The following DGLUCY variants were observed in gnomAD, a reference collection of about 807,000 sequenced individuals.
DGLUCY encodes D-glutamate cyclase, mitochondrial.
A neutral mutation model predicts 58.5 loss-of-function variants in DGLUCY; 58 were observed. The observed-to-expected ratio is 0.99, with a 90% CI of 0.80 to 1.23. The LOEUF (loss-of-function observed/expected upper bound fraction) is 1.23, where lower values mean the gene tolerates loss of function less well. Among genes scored for constraint, DGLUCY ranks in the 50% most tolerant of loss-of-function variants. DGLUCY has a pLI of 0.00. For synonymous variants in DGLUCY, 325 were observed against 314.1 expected (o/e 1.03, Z -0.37); for missense variants, 779 against 784.7 (o/e 0.99, Z 0.09).
rs1297499492 is a variant in DGLUCY at position 91,215,557 on chromosome 14, G to A, written c.1716+1G>A. The stretch of plus-strand genomic sequence containing the variant: ...TCAGGCCCTCCCGTCGGTCATTAAG[G>A]TAACAAACCCCAGCCAGCCGCTCGC... On this transcript the variant is annotated splice_donor_variant, in intron 13 of 13. Coordinates refer to ENST00000256324, the MANE Select transcript of DGLUCY (RefSeq NM_001102368.3). LOFTEE classifies it high-confidence loss of function. 1 of 1,613,764 alleles carries A rather than the reference G, an allele frequency of 6.2e-7. No individual in the cohort carries two copies. Among genetic ancestry groups the A allele is most frequent in the Non-Finnish European group, 8.5e-7 (1 of 1,179,682 alleles).
intron 10 of DGLUCY, 44 bp downstream of exon 10, chr14:91,196,518 G>C: frequency 6.7e-7 from 1 of 1,499,562 alleles, no homozygotes; most frequent in Admixed American, 1.7e-5. Context: ...TGGTGGAAAC[G>C]CCCATATGCT....
rs936937265 is a variant in DGLUCY at position 91,137,124 on chromosome 14, T to TG, written c.-81-20514dup. ...TGGGAGGCAAAGGCCCAGCAGAACG[T>TG]GTCTGTTCAGGTTTTTTTTTTTTTT... On this transcript the variant is annotated intron_variant, in intron 1 of 13. Transcript: ENST00000256324. 4.0e-4 allele frequency among the ~76,000 whole-genome samples: 60 copies of TG among 151,428 alleles called. 1 individual carries two copies. Among genetic ancestry groups the TG allele is most frequent in the African/African-American group, 1.3e-3 (54 of 41,212 alleles).
chr14:91,159,792 T>A (rs1459007151), intron 2 of DGLUCY, among the ~76,000 whole-genome samples: 1 of 152,208 alleles, frequency 6.6e-6, no homozygotes, highest in Non-Finnish European at 1.5e-5. Context: ...ATTCGTCTGT[T>A]CATTCAACTG....
chr14:91,073,587 G>A (rs763172970), intron 1 of DGLUCY, among the ~76,000 whole-genome samples: 58 of 152,090 alleles, frequency 3.8e-4, no homozygotes, highest in Admixed American at 2.0e-4. Context: ...CATCCCCGTC[G>A]GGATTACAGG....
intron 1 of DGLUCY, among the ~76,000 whole-genome samples, chr14:91,156,904 G>C (rs908410916): frequency 6.6e-6 from 1 of 152,236 alleles, no homozygotes; most frequent in Non-Finnish European, 1.5e-5. Flanking sequence ...GGCTGAAGAG[G>C]CTCTGGCCCT....
At chr14:91,103,069 C>T (rs1449459438), upstream of DGLUCY, among the ~76,000 whole-genome samples, 6 of 151,928 alleles carry the variant, frequency 3.9e-5, no homozygotes, top group African/African-American at 7.3e-5. Flanking sequence ...GCACCCCCTC[C>T]GTTCTTGATC....
At chr14:91,167,166 G>T in intron 3 of DGLUCY, 59 bp from the exon 4 acceptor site, 1 of 1,494,912 alleles carries the variant, frequency 6.7e-7, no homozygotes. Context: ...AAGAAAATCA[G>T]TAAGTGTCTG....
intron 1 of DGLUCY, among the ~76,000 whole-genome samples, chr14:91,139,346 G>C (rs2046521217): frequency 6.6e-6 from 1 of 152,164 alleles, no homozygotes. Context: ...TCAGTCTACT[G>C]ATTCAAATGC....
upstream of DGLUCY, among the ~76,000 whole-genome samples, chr14:91,113,321 G>A (rs1176863966): frequency 2.0e-5 from 3 of 152,082 alleles, no homozygotes; most frequent in East Asian, 5.8e-4. Flanking sequence ...AACAATAAAA[G>A]TTATACAAGA....
chr14:91,090,860 G>A (rs2044299651), intron 1 of DGLUCY, among the ~76,000 whole-genome samples: 1 of 152,200 alleles, frequency 6.6e-6, no homozygotes, highest in Non-Finnish European at 1.5e-5. Flanking sequence ...CTGTGGGTGA[G>A]CATCCTACAG....
exon 1 of DGLUCY, chr14:91,060,355 G>A: frequency 7.4e-6 from 11 of 1,478,564 alleles, no homozygotes; most frequent in Non-Finnish European, 9.9e-6. Context: ...GTGCTTGACA[G>A]TGAGGAGCTG....
At position 91,170,105 on chromosome 14, in the gene DGLUCY, C is replaced by A. The variant is rs781626808; in HGVS notation, c.360C>A (p.Phe120Leu). ...AGCAGCTGAAGGACATGGTGGCCTT[C>A]TTCCTGGGCTGCAGCTTCTCCCTGG... is the stretch of plus-strand genomic sequence containing the variant. ...YSEQLKDMVA[F>L]FLGCSFSLEE... The change falls in exon 5 of 14, where the codon TTC becomes TTA. Residue 120 changes from phenylalanine (F) to leucine (L), a missense_variant. Transcript: ENST00000256324. 6.2e-6 allele frequency: 10 copies of A among 1,612,974 alleles called. No homozygotes were observed. The East Asian group carries it at 2.0e-4, about 32-fold the overall frequency.
At chr14:91,175,770 G>A in intron 6 of DGLUCY, 164 bp from the exon 7 acceptor site, 1 of 691,898 alleles carries the variant, frequency 1.4e-6, no homozygotes, top group Middle Eastern at 2.7e-4. Context: ...AGCCTGAGTT[G>A]TCAAAGCCTT....
intron 1 of DGLUCY, among the ~76,000 whole-genome samples, chr14:91,097,523 A>T (rs2140076734): frequency 6.6e-6 from 1 of 152,338 alleles, no homozygotes; most frequent in South Asian, 2.1e-4. Flanking sequence ...TGAGAAATAA[A>T]TCTCAATAAA....
intron 1 of DGLUCY, among the ~76,000 whole-genome samples, chr14:91,066,232 G>A (rs972970581): frequency 1.3e-5 from 2 of 151,898 alleles, no homozygotes; most frequent in Admixed American, 6.6e-5. Context: ...AGAAAAATTA[G>A]CCGGGCCTGG....
chr14:91,224,693 A>T lies in DGLUCY; in HGVS notation c.1726A>T (p.Met576Leu), dbSNP rs114678661. 11 of 1,594,128 alleles carry T rather than the reference A, an allele frequency of 6.9e-6. No homozygotes were observed. The South Asian group carries it at 8.9e-5, about 13-fold the overall frequency. The change falls in exon 14 of 14, where the codon ATG (methionine) becomes TTG (leucine). Residue 576 changes from methionine to leucine, a missense_variant. By Grantham distance (15) the Met-to-Leu change is conservative. Transcript: ENST00000256324. The stretch of plus-strand genomic sequence containing the variant: ...CCCTATTTTTTTCCAGGAAGAAAAA[A>T]TGCTGGGCATCTTGGTGCAGCACAA... ...ALPSVIKEEK[M>L]LGILVQHKVR...
At chr14:91,128,094 CCA>C (rs2045819451) in intron 1 of DGLUCY, among the ~76,000 whole-genome samples, 2 of 151,986 alleles carry the variant, frequency 1.3e-5, no homozygotes, top group Non-Finnish European at 2.9e-5. Flanking sequence ...ACAGCAAATT[CCA>C]GATATTAGGG....
At chr14:91,212,363 A>G (rs1214247335) in intron 12 of DGLUCY, among the ~76,000 whole-genome samples, 1 of 152,070 alleles carries the variant, frequency 6.6e-6, no homozygotes, top group African/African-American at 2.4e-5. Flanking sequence ...TTAAAATATT[A>G]GCTGGGCTTA....
intron 1 of DGLUCY, among the ~76,000 whole-genome samples, chr14:91,155,538 G>C (rs941592284): frequency 6.6e-6 from 1 of 152,158 alleles, no homozygotes; most frequent in Non-Finnish European, 1.5e-5. Flanking sequence ...GGCCTTGCAC[G>C]GCGGCTCACT....
Sources: gnomAD v4.1 joint callset for allele counts (sites outside exome capture counted in the v4.1 genomes callset) on GRCh38, gnomAD v4.1.1 for gene constraint, MANE v1.5 for transcripts, NCBI Gene and HGNC (gene_info 2026-07-23, HGNC 2026-07-21) for gene names.